CTR9: variants seen among roughly 807,000 people sequenced by gnomAD.
CTR9 encodes CTR9 component of Paf1/RNA polymerase II complex.
CTR9 carries 41 observed loss-of-function variants against 152.1 expected under a neutral mutation model. The ratio of observed to expected loss-of-function variants is 0.27; its 90% CI spans 0.21 to 0.35. The LOEUF is 0.35. Ranked by LOEUF, CTR9 falls within the 10% of genes least tolerant of loss-of-function variation. The probability of loss-of-function intolerance (pLI) is 1.00; values close to 1 mark genes in which losing one functional copy is unlikely to be tolerated. For missense variants in CTR9, 917 were observed against 1,424.4 expected, an observed-to-expected ratio of 0.64 and a Z score of 5.73; for synonymous variants, 476 against 496.2, an observed-to-expected ratio of 0.96 and a Z score of 0.54.
Position 10,770,631 on chromosome 11 carries a change from A to G in CTR9, c.2371A>G (p.Arg791Gly). 6.2e-7 allele frequency: 1 copy of G among 1,606,192 alleles called. No homozygotes were observed. Among genetic ancestry groups the G allele is most frequent in the Non-Finnish European group, 8.5e-7 (1 of 1,177,904 alleles). ...NAVKELELAHRYFSYLSKVGD... is the reference protein window; with the variant it reads ...NAVKELELAHGYFSYLSKVGD... ...TGTGAAAGAACTGGAGCTTGCACAT[A>G]GGTAAAGATTTTGTAGAAACAACCT... The change falls in exon 18 of 25, where the codon AGA becomes GGA. Residue 791 changes from arginine to glycine, a missense_variant and splice_region_variant. Transcript: ENST00000361367.
intron 13 of CTR9, 103 bp downstream of exon 13, chr11:10,766,593 A>G (rs1227967698): frequency 3.7e-6 from 3 of 808,764 alleles, no homozygotes; most frequent in East Asian, 5.8e-5. Flanking sequence ...TGGTTTTGTC[A>G]TTTTTTGTTT....
At chr11:10,766,336 G>A (rs1590022702) in intron 12 of CTR9, 66 bp from the exon 13 acceptor site, 1 of 1,260,902 alleles carries the variant, frequency 7.9e-7, no homozygotes, top group Non-Finnish European at 1.1e-6. Flanking sequence ...TCAAAAGTAT[G>A]ACTTTAAAAT....
intron 21 of CTR9, 51 bp downstream of exon 21, chr11:10,773,324 C>A (rs1445620386): frequency 1.3e-6 from 2 of 1,586,070 alleles, no homozygotes; most frequent in African/African-American, 1.4e-5. Flanking sequence ...TGTCTTTTGG[C>A]TTTGAGAAAT....
chr11:10,761,884 C>A, intron 6 of CTR9, 63 bp from the exon 7 acceptor site: 13 of 1,091,662 alleles, frequency 1.2e-5, no homozygotes, highest in Non-Finnish European at 1.6e-5. Flanking sequence ...CTAAAGAAAA[C>A]TTCTTGAAAA....
At chr11:10,757,519 A>G (rs1862904799) in intron 5 of CTR9, among the ~76,000 whole-genome samples, 1 of 152,036 alleles carries the variant, frequency 6.6e-6, no homozygotes, top group Non-Finnish European at 1.5e-5. Flanking sequence ...TTGAGGCTGC[A>G]GTGAGCCATG....
chr11:10,771,862 C>T (rs556808943), intron 19 of CTR9, among the ~76,000 whole-genome samples: 91 of 152,210 alleles, frequency 6.0e-4, no homozygotes, highest in African/African-American at 2.0e-3. Flanking sequence ...TCAGCTATGT[C>T]AGCCTAGTCA....
Position 10,751,463 on chromosome 11 carries a change from TGTC to T in CTR9, c.45+9_45+11del. The stretch of plus-strand genomic sequence containing the variant: ...CCCTCCGGGACACTGACGAGGTAAG[TGTC>T]GTGTATGGAGGCGGGTGGGGGCCAT... On this transcript the variant is annotated splice_region_variant and intron_variant, in intron 1 of 24. Transcript: ENST00000361367. 1 of 1,613,776 alleles carries T rather than the reference TGTC, an allele frequency of 6.2e-7. No homozygotes were observed. Among genetic ancestry groups the T allele is most frequent in the South Asian group, 1.1e-5 (1 of 91,062 alleles).
At chr11:10,772,079 G>A (rs1863151276) in intron 19 of CTR9, among the ~76,000 whole-genome samples, 1 of 152,040 alleles carries the variant, frequency 6.6e-6, no homozygotes, top group Non-Finnish European at 1.5e-5. Flanking sequence ...TTTTTGGCTG[G>A]GCGCAGTGGC....
chr11:10,765,170 G>C (rs539062539), intron 12 of CTR9, among the ~76,000 whole-genome samples: 7 of 152,058 alleles, frequency 4.6e-5, no homozygotes, highest in African/African-American at 1.7e-4. Flanking sequence ...ATAAAATAAG[G>C]AAAGTTTTTA....
rs780602955 is a variant in CTR9 at position 10,755,661 on chromosome 11, A to T, written c.385-17A>T. On this transcript the variant is annotated splice_polypyrimidine_tract_variant and intron_variant, in intron 3 of 24. Coordinates refer to ENST00000361367, the MANE Select transcript of CTR9 (RefSeq NM_014633.5). Reference sequence around the variant, plus strand: ...GGTATATAGGGGTAAAATCTAAGATAATACATTACTTCATAGAACCATTTG... The same window carrying T: ...GGTATATAGGGGTAAAATCTAAGATTATACATTACTTCATAGAACCATTTG... 2.0e-6 allele frequency: 3 copies of T among 1,514,370 alleles called. No homozygotes were observed. The highest frequency in any genetic ancestry group is 2.8e-6 in the Non-Finnish European group (3 of 1,090,692). The allele number at this position is 1,514,370 out of a possible 1,614,324, so 93.8% of individuals were successfully genotyped here.
intron 24 of CTR9, 30 bp from the exon 25 acceptor site, chr11:10,778,649 C>T: frequency 6.3e-7 from 1 of 1,588,666 alleles, no homozygotes; most frequent in Non-Finnish European, 8.6e-7. Flanking sequence ...CCAGAATCCT[C>T]AGCTTCTAAC....
At chr11:10,771,847 T>C (rs1030633381) in intron 19 of CTR9, among the ~76,000 whole-genome samples, 2 of 152,200 alleles carry the variant, frequency 1.3e-5, no homozygotes, top group Non-Finnish European at 2.9e-5. Flanking sequence ...TCTATTTTAC[T>C]TATGTCAGCT....
At chr11:10,765,972 AC>A (rs1477643078) in intron 12 of CTR9, among the ~76,000 whole-genome samples, 1 of 152,052 alleles carries the variant, frequency 6.6e-6, no homozygotes, top group Non-Finnish European at 1.5e-5. Context: ...TAATGGAAGA[AC>A]CCCAGTTAGA....
intron 4 of CTR9, 75 bp from the exon 5 acceptor site, chr11:10,756,674 G>T: frequency 3.2e-6 from 3 of 948,534 alleles, no homozygotes; most frequent in Non-Finnish European, 3.2e-6. Context: ...ATTTAACTTA[G>T]ATAAGTTAGT....
In CTR9 at chr11:10,751,282, C is replaced by T; in HGVS notation, c.-131C>T. On this transcript the variant is annotated 5_prime_UTR_variant, in exon 1 of 25. Transcript: ENST00000361367. ...GGCTGACGGGAAGGAGAAGCCAGAG[C>T]TCCAGCGGCGCCGCGGGGCGGCAGT... 2 of 949,724 alleles carry T rather than the reference C, an allele frequency of 2.1e-6. No homozygotes were observed. The highest frequency in any genetic ancestry group is 1.4e-5 in the South Asian group (1 of 70,850). 58.8% of individuals were successfully genotyped at this position (949,724 alleles called of 1,614,324 possible).
chr11:10,762,880 C>G (rs780260861), intron 7 of CTR9, among the ~76,000 whole-genome samples: 10 of 151,706 alleles, frequency 6.6e-5, no homozygotes, highest in Non-Finnish European at 1.2e-4. Flanking sequence ...TGGCACATAC[C>G]TGTAGTCTCA....
intron 2 of CTR9, 74 bp from the exon 3 acceptor site, chr11:10,754,884 C>A: frequency 6.9e-7 from 1 of 1,445,720 alleles, no homozygotes; most frequent in Non-Finnish European, 9.4e-7. Context: ...AATAAAGCTG[C>A]TGTAAACATT....
In CTR9 at chr11:10,770,475, T is replaced by C. The variant is rs1590025084; in HGVS notation, c.2227-12T>C. 2 of 1,605,030 alleles carry C rather than the reference T, an allele frequency of 1.2e-6. No individual in the cohort carries two copies. The highest frequency in any genetic ancestry group is 2.7e-5 in the African/African-American group (2 of 74,284). On this transcript the variant is annotated splice_polypyrimidine_tract_variant and intron_variant, in intron 17 of 24. Coordinates refer to ENST00000361367, the MANE Select transcript of CTR9 (RefSeq NM_014633.5). The stretch of plus-strand genomic sequence containing the variant: ...CATTTGAACATATGAAATATTTATT[T>C]TTTATTCACAGGCTAGACATGTGGC...
In CTR9 at chr11:10,768,495, A is replaced by G. The variant is rs927345178; in HGVS notation, c.2109+4A>G. ...GTACATCAGCGCCGTTCAGATGGTAATAGCTTCTCTTTCAAGATATTTTTA... is the reference window on the plus strand; with the variant it reads ...GTACATCAGCGCCGTTCAGATGGTAGTAGCTTCTCTTTCAAGATATTTTTA... On this transcript the variant is annotated splice_donor_region_variant and intron_variant, in intron 16 of 24. Transcript: ENST00000361367. 9 of 1,583,290 alleles carry G rather than the reference A, an allele frequency of 5.7e-6. No individual in the cohort carries two copies. The Admixed American group carries it at 1.2e-4, about 21-fold the overall frequency.
Sources: gnomAD v4.1 joint callset for allele counts (sites outside exome capture counted in the v4.1 genomes callset) on GRCh38, gnomAD v4.1.1 for gene constraint, MANE v1.5 for transcripts, NCBI Gene and HGNC (gene_info 2026-07-23, HGNC 2026-07-21) for gene names.